Variants in PCED1A observed in about 807,000 individuals in gnomAD.
PCED1A encodes PC-esterase domain-containing protein 1A.
A neutral mutation model predicts 41.9 loss-of-function variants in PCED1A; 20 were observed. The ratio of observed to expected loss-of-function variants is 0.48; its 90% CI spans 0.34 to 0.69. The LOEUF (loss-of-function observed/expected upper bound fraction) is 0.69, where lower values mean the gene tolerates loss of function less well. Among genes scored for constraint, PCED1A ranks in the 30% least tolerant of loss-of-function variants. The probability of loss-of-function intolerance (pLI) is 0.01; values close to 1 mark genes in which losing one functional copy is unlikely to be tolerated. For synonymous variants in PCED1A, 236 were observed against 241.3 expected, an observed-to-expected ratio of 0.98 and a Z score of 0.20; for missense variants, 498 against 602.1, an observed-to-expected ratio of 0.83 and a Z score of 1.81.
intron 1 of PCED1A, 30 bp from the exon 2 acceptor site, chr20:2,839,963 T>C (rs777390861): frequency 1.1e-5 from 17 of 1,575,616 alleles, no homozygotes; most frequent in Non-Finnish European, 5.2e-6. Flanking sequence ...AGCAGCGCGA[T>C]GGTGGGGACT....
At chr20:2,836,666 C>A (rs1055606653) in intron 6 of PCED1A, among the ~76,000 whole-genome samples, 1 of 152,214 alleles carries the variant, frequency 6.6e-6, no homozygotes, top group African/African-American at 2.4e-5. Context: ...CCAACAACTT[C>A]CTTTTACCAT....
chr20:2,835,828 A>G (rs1297017843), intron 7 of PCED1A, 119 bp from the exon 8 acceptor site: 2 of 1,486,862 alleles, frequency 1.3e-6, no homozygotes, highest in Non-Finnish European at 1.8e-6. Context: ...CAAAAAAGGG[A>G]TAGTCCTTCC....
At position 2,835,708 on chromosome 20, in the gene PCED1A, T is replaced by C; in HGVS notation, c.1119A>G (p.Gly373=). Residue 373 remains glycine (G), a splice_region_variant and synonymous_variant, in exon 8 of 8, where the codon GGA becomes GGG. Transcript: ENST00000360652. ...GCACAAAGTTCACTCCAGGGCCACA[T>C]CCTACAAAAGAACCAGTCATTATAA... is the stretch of plus-strand genomic sequence containing the variant. ...VEDFSMPPHL[G]CGPGVNFVPG... 6.5e-7 allele frequency: 1 copy of C among 1,544,818 alleles called. No individual in the cohort carries two copies. The highest frequency in any genetic ancestry group is 1.2e-5 in the South Asian group (1 of 81,104).
chr20:2,841,115 A>G (rs2088966610), upstream of PCED1A: 1 of 493,382 alleles, frequency 2.0e-6, no homozygotes, highest in Non-Finnish European at 3.6e-6. Flanking sequence ...CTCGCGGGTG[A>G]CAGCGAGTGC....
In PCED1A at chr20:2,838,878, C is replaced by A; in HGVS notation, c.409G>T (p.Val137Leu). The A allele has an allele frequency of 6.2e-7, 1 of 1,614,138 alleles. No homozygotes were observed. The highest frequency in any genetic ancestry group is 8.5e-7 in the Non-Finnish European group (1 of 1,180,022). The change falls in exon 4 of 8, where the codon GTG becomes TTG. Residue 137 changes from valine to leucine, a missense_variant. This residue lies in a region of PCED1A where 253 missense variants were observed against 369.7 expected (regional missense o/e 0.68). Coordinates refer to ENST00000360652, the MANE Select transcript of PCED1A (RefSeq NM_022760.6). The surrounding 1 kb of genome is among the most constrained non-coding windows in gnomAD (Gnocchi z 5.8). ...TCCCAGAGGCAGGAGTTGATGATCA[C>A]CAGGTCCGGGGCAGGTCCATATGTC... ...ELTYGPAPDL[V>L]IINSCLWDLS...
At chr20:2,835,971 C>T in intron 7 of PCED1A, 68 bp downstream of exon 7, 2 of 1,451,876 alleles carry the variant, frequency 1.4e-6, no homozygotes, top group East Asian at 5.0e-5. Context: ...CTCCTCTCAG[C>T]TCACCTAGGC....
Position 2,838,727 on chromosome 20 carries a change from C to T in PCED1A, c.463G>A (p.Glu155Lys). The T allele has an allele frequency of 6.2e-7, 1 of 1,614,176 alleles. No individual in the cohort carries two copies. The highest frequency in any genetic ancestry group is 8.5e-7 in the Non-Finnish European group (1 of 1,180,034). Residue 155 changes from glutamate (E) to lysine (K), a missense_variant, in exon 5 of 8, where the codon GAG becomes AAG. This residue lies in a region of PCED1A where 253 missense variants were observed against 369.7 expected (regional missense o/e 0.68). Transcript: ENST00000360652. The surrounding 1 kb of genome is among the most constrained non-coding windows in gnomAD (Gnocchi z 5.8). ...CGCTCCAGGTTCTCCCGGTAGCTCT[C>T]CATTGAGCAGCGACCATATCTGTTG... ...DLSRYGRCSM[E>K]SYRENLERVF...
At position 2,836,155 on chromosome 20, in the gene PCED1A, G is replaced by A; in HGVS notation, c.1001C>T (p.Pro334Leu). 1 of 1,605,470 alleles carries A rather than the reference G, an allele frequency of 6.2e-7. No homozygotes were observed. Among genetic ancestry groups the A allele is most frequent in the Non-Finnish European group, 8.5e-7 (1 of 1,175,092 alleles). ...CTGGGGCAGGGGTGGGAAGAGGGGA[G>A]GTGGCGAGGGCTGAGGAAGCGGGTA... is the stretch of plus-strand genomic sequence containing the variant. ...FPYPLPQPSP[P>L]PLFPPLPQDT... The change falls in exon 7 of 8, where the codon CCT (proline) becomes CTT (leucine). Residue 334 changes from proline to leucine, a missense_variant. Around this residue, in one of 2 missense-constraint regions of PCED1A, gnomAD observed 245 missense variants for 232.4 expected, o/e 1.05. Coordinates refer to ENST00000360652, the MANE Select transcript of PCED1A (RefSeq NM_022760.6).
intron 7 of PCED1A, 149 bp downstream of exon 7, chr20:2,835,890 T>C: frequency 7.0e-7 from 1 of 1,436,010 alleles, no homozygotes. Context: ...TTAATGAACC[T>C]ACAGATGATG....
Position 2,840,271 on chromosome 20 carries a change from T to A in PCED1A, c.-82A>T. On this transcript the variant is annotated 5_prime_UTR_variant, in exon 1 of 8. Coordinates refer to ENST00000360652, the MANE Select transcript of PCED1A (RefSeq NM_022760.6). ...CGGGTATGCCTGCGCACCGCGCGCC[T>A]GGCCCGCAGCGGGCTCCTAGCCAAG... 1 of 240,112 alleles carries A rather than the reference T, an allele frequency of 4.2e-6. No individual in the cohort carries two copies. The highest frequency in any genetic ancestry group is 8.0e-6 in the Non-Finnish European group (1 of 124,828). 14.9% of individuals were successfully genotyped at this position (240,112 alleles called of 1,614,324 possible).
intron 7 of PCED1A, 65 bp downstream of exon 7, chr20:2,835,974 A>T: frequency 6.9e-7 from 1 of 1,453,012 alleles, no homozygotes; most frequent in Non-Finnish European, 9.1e-7. Context: ...CTCTCAGCTC[A>T]CCTAGGCATA....
chr20:2,839,084 T>TGGGGGGGC lies in PCED1A; in HGVS notation c.205-3_205-2insGCCCCCCC. 1.4e-6 allele frequency: 1 copy of TGGGGGGGC among 725,246 alleles called. No individual in the cohort carries two copies. 44.9% of individuals were successfully genotyped at this position (725,246 alleles called of 1,614,324 possible). A position where few individuals can be genotyped will look rare whatever the true frequency, so the allele number is the denominator to read the frequency against. ...GTCCTGTTCAAAGCTCAGCTCCCCC[T>TGGGGGGGC]ACCCACCCCCCCCACCCTACTGGTC... On this transcript the variant is annotated splice_region_variant and splice_polypyrimidine_tract_variant and intron_variant, in intron 3 of 7. Coordinates refer to ENST00000360652, the MANE Select transcript of PCED1A (RefSeq NM_022760.6).
chr20:2,835,775 G>C lies in PCED1A; in HGVS notation c.1118-66C>G. 2.7e-6 allele frequency: 4 copies of C among 1,507,196 alleles called. No individual in the cohort carries two copies. In the South Asian group the frequency reaches 5.4e-5, roughly 20 times the overall value. The allele number at this position is 1,507,196 out of a possible 1,614,324, so 93.4% of individuals were successfully genotyped here. A position where few individuals can be genotyped will look rare whatever the true frequency, so the allele number is the denominator to read the frequency against. On this transcript the variant is annotated intron_variant, in intron 7 of 7. Transcript: ENST00000360652. ...AGAGTGAGTGCAGCTCTGCCTTGAA[G>C]CAACTCTTGTCCTCCAGGTGAGCTT...
In PCED1A at chr20:2,836,056, G is replaced by A. The variant is rs200739809; in HGVS notation, c.1100C>T (p.Ser367Leu). 13 of 1,488,798 alleles carry A rather than the reference G, an allele frequency of 8.7e-6. No homozygotes were observed. Among genetic ancestry groups the A allele is most frequent in the Middle Eastern group, 1.9e-4 (1 of 5,168 alleles). 92.2% of individuals were successfully genotyped at this position (1,488,798 alleles called of 1,614,324 possible). The change falls in exon 7 of 8, where the codon TCG (serine) becomes TTG (leucine). Residue 367 changes from serine (S) to leucine (L), a missense_variant. Coordinates refer to ENST00000360652, the MANE Select transcript of PCED1A (RefSeq NM_022760.6). ...FFNYNPVEDF[S>L]MPPHLGCGPG... ...GCACCTACCTAAGTGGGGTGGCATC[G>A]AGAAGTCCTCCACTGGATTATAGTT...
At position 2,839,089 on chromosome 20, in the gene PCED1A, A is replaced by AC. The variant is rs768667049; in HGVS notation, c.205-8dup. Reference sequence around the variant, plus strand: ...GTTCAAAGCTCAGCTCCCCCTACCCACCCCCCCCACCCTACTGGTCAGACC... The same window carrying AC: ...GTTCAAAGCTCAGCTCCCCCTACCCACCCCCCCCCACCCTACTGGTCAGACC... On this transcript the variant is annotated splice_region_variant and splice_polypyrimidine_tract_variant and intron_variant, in intron 3 of 7. Coordinates refer to ENST00000360652, the MANE Select transcript of PCED1A (RefSeq NM_022760.6). The AC allele has an allele frequency of 1.9e-3, 646 of 335,640 alleles. No individual in the cohort carries two copies. Among genetic ancestry groups the AC allele is most frequent in the Non-Finnish European group, 2.2e-3 (455 of 204,244 alleles). The allele number at this position is 335,640 out of a possible 1,614,324, so 20.8% of individuals were successfully genotyped here. A position where few individuals can be genotyped will look rare whatever the true frequency, so the allele number is the denominator to read the frequency against.
In PCED1A at chr20:2,838,542, C is replaced by T; in HGVS notation, c.594+54G>A. On this transcript the variant is annotated intron_variant, in intron 5 of 7. Coordinates refer to ENST00000360652, the MANE Select transcript of PCED1A (RefSeq NM_022760.6). The surrounding 1 kb of genome is among the most constrained non-coding windows in gnomAD (Gnocchi z 5.8). ...CAGCAGGGTCTGAAAGCAGGGTGTCCTATCTACCAGTCTGCTATCCCATCT... is the reference window on the plus strand; with the variant it reads ...CAGCAGGGTCTGAAAGCAGGGTGTCTTATCTACCAGTCTGCTATCCCATCT... 5.0e-6 allele frequency: 8 copies of T among 1,613,900 alleles called. No individual in the cohort carries two copies. Among genetic ancestry groups the T allele is most frequent in the Non-Finnish European group, 6.8e-6 (8 of 1,179,820 alleles).
chr20:2,840,834 T>TGCC, upstream of PCED1A: 1 of 1,538,686 alleles, frequency 6.5e-7, no homozygotes. Flanking sequence ...ACCGGTGAGC[T>TGCC]GCCCCGCCCT....
At chr20:2,837,360 C>T (rs185248284) in intron 6 of PCED1A, among the ~76,000 whole-genome samples, 4 of 152,288 alleles carry the variant, frequency 2.6e-5, no homozygotes, top group East Asian at 1.9e-4. Flanking sequence ...TAACATGACT[C>T]GTGCCTCCCA....
chr20:2,839,559 G>T (rs532119636), intron 2 of PCED1A, among the ~76,000 whole-genome samples: 28 of 152,270 alleles, frequency 1.8e-4, no homozygotes, highest in African/African-American at 6.7e-4. Context: ...GAAATTATGG[G>T]GAGCTGTCAG....
Sources: allele counts gnomAD v4.1 joint callset (sites outside exome capture counted in the v4.1 genomes callset), GRCh38; gene constraint gnomAD v4.1.1; regional missense constraint gnomAD v4.1.1; non-coding constraint Gnocchi (gnomAD v3.1); transcripts MANE v1.5; gene names NCBI Gene and HGNC (gene_info 2026-07-23, HGNC 2026-07-21).